Variants in MEGF9 observed in about 807,000 individuals in gnomAD.
MEGF9 encodes multiple epidermal growth factor-like domains protein 9.
Under a neutral mutation model 46.8 loss-of-function variants are expected in MEGF9, and 6 were observed. The observed-to-expected ratio is 0.13, with a 90% CI of 0.07 to 0.25. The LOEUF (loss-of-function observed/expected upper bound fraction) is 0.25. MEGF9 is among the 10% of genes least tolerant of loss of function. MEGF9 has a pLI of 1.00. For synonymous variants in MEGF9, 302 were observed against 330.7 expected (o/e 0.91, Z 0.94); for missense variants, 683 against 792.4 (o/e 0.86, Z 1.66).
chr9:120,638,916 G>A (rs533828364), intron 2 of MEGF9, among the ~76,000 whole-genome samples: 4 of 152,270 alleles, frequency 2.6e-5, no homozygotes, highest in Non-Finnish European at 2.9e-5. Flanking sequence ...TCCTGGGCTC[G>A]AGCAAGCCTT....
chr9:120,643,475 T>C (rs1290718948), intron 2 of MEGF9, among the ~76,000 whole-genome samples: 2 of 152,180 alleles, frequency 1.3e-5, no homozygotes, highest in Non-Finnish European at 2.9e-5. Context: ...ACAAAGTAAG[T>C]TTATTTCCTT....
At chr9:120,622,542 A>G (rs2043504780) in intron 3 of MEGF9, 74 bp downstream of exon 3, 2 of 1,540,256 alleles carry the variant, frequency 1.3e-6, no homozygotes, top group Non-Finnish European at 1.8e-6. Context: ...AGAAGAATCA[A>G]CCTATAGCTG....
rs192105669 is a variant in MEGF9 at position 120,619,204 on chromosome 9, G to A, written c.943+3412C>T. On this transcript the variant is annotated intron_variant, in intron 3 of 5. Coordinates refer to ENST00000373930, the MANE Select transcript of MEGF9 (RefSeq NM_001080497.3). ...CTACTAAAAATACAAAAAATTAGCC[G>A]GGCGTGGTGGTGGGCGCCTGTAATC... Among the ~76,000 whole-genome samples, 1,443 of 151,876 alleles carry A rather than the reference G, an allele frequency of 9.5e-3. 6 individuals carry two copies. The highest frequency in any genetic ancestry group is 0.019 in the Admixed American group (286 of 15,240).
chr9:120,622,487 C>A (rs2043504488), intron 3 of MEGF9, 129 bp downstream of exon 3: 1 of 558,208 alleles, frequency 1.8e-6, no homozygotes, highest in Non-Finnish European at 2.6e-6. Context: ...TTGCTGTGAT[C>A]TAGTACATCC....
chr9:120,692,817 C>T (rs1214725053), intron 1 of MEGF9, among the ~76,000 whole-genome samples: 1 of 152,148 alleles, frequency 6.6e-6, no homozygotes, highest in Non-Finnish European at 1.5e-5. Flanking sequence ...CTGAATAATT[C>T]CTATTTGTTC....
intron 2 of MEGF9, among the ~76,000 whole-genome samples, chr9:120,640,032 T>C (rs2132312769): frequency 6.6e-6 from 1 of 152,350 alleles, no homozygotes; most frequent in Non-Finnish European, 1.5e-5. Context: ...TATTTGTTTA[T>C]CCTGAACCAA....
intron 2 of MEGF9, among the ~76,000 whole-genome samples, chr9:120,652,166 ACACACACACAC>A (rs2043653324): frequency 2.4e-5 from 1 of 41,094 alleles, no homozygotes; most frequent in African/African-American, 8.1e-5. Context: ...ACACACACAC[ACACACACACAC>A]ACACAAAAAA....
intron 1 of MEGF9, among the ~76,000 whole-genome samples, chr9:120,672,395 C>G (rs982606000): frequency 6.6e-6 from 1 of 151,714 alleles, no homozygotes; most frequent in Non-Finnish European, 1.5e-5. Flanking sequence ...GAGTTCAAGA[C>G]CAGCCTAGGC....
intron 1 of MEGF9, among the ~76,000 whole-genome samples, chr9:120,709,345 G>A (rs1275665396): frequency 2.0e-5 from 3 of 152,016 alleles, no homozygotes; most frequent in African/African-American, 7.2e-5. Flanking sequence ...ACCACGAGGC[G>A]GAGGTTGCAG....
chr9:120,714,434 G>A lies in MEGF9; in HGVS notation c.-76C>T, dbSNP rs2043969892. ...CAAGGAAGCCTCCGCAACCGCCGCC[G>A]CCACCGCCACCGGGCGCACCATCGC... On this transcript the variant is annotated 5_prime_UTR_variant, in exon 1 of 6. Transcript: ENST00000373930. 3.5e-6 allele frequency: 4 copies of A among 1,153,794 alleles called. No individual in the cohort carries two copies. The highest frequency in any genetic ancestry group is 3.2e-5 in the South Asian group (1 of 30,770). The allele number at this position is 1,153,794 out of a possible 1,614,324, so 71.5% of individuals were successfully genotyped here.
chr9:120,673,871 G>A (rs1216753546), intron 1 of MEGF9, among the ~76,000 whole-genome samples: 1 of 151,120 alleles, frequency 6.6e-6, no homozygotes, highest in African/African-American at 2.4e-5. Context: ...TGGGGAGGCT[G>A]AGACGGGAGA....
chr9:120,693,734 C>T (rs923583571), intron 1 of MEGF9, among the ~76,000 whole-genome samples: 1 of 152,132 alleles, frequency 6.6e-6, no homozygotes, highest in Non-Finnish European at 1.5e-5. Context: ...CCATTATTTG[C>T]TATTGTCTCT....
chr9:120,618,892 G>A (rs1485563834), intron 3 of MEGF9, among the ~76,000 whole-genome samples: 5 of 149,078 alleles, frequency 3.4e-5, no homozygotes, highest in African/African-American at 5.0e-5. Context: ...AGCAAGACTC[G>A]GTCTCAAAAA....
chr9:120,624,792 G>A (rs1268809151), intron 2 of MEGF9, among the ~76,000 whole-genome samples: 1 of 149,396 alleles, frequency 6.7e-6, no homozygotes, highest in Non-Finnish European at 1.5e-5. Flanking sequence ...AGAACTGCTT[G>A]AACCCAGAAG....
At chr9:120,693,769 G>A (rs1760744912) in intron 1 of MEGF9, among the ~76,000 whole-genome samples, 1 of 152,130 alleles carries the variant, frequency 6.6e-6, no homozygotes, top group Non-Finnish European at 1.5e-5. Flanking sequence ...TGTGTTTCAT[G>A]TTTTACACTG....
chr9:120,712,162 G>A (rs1450441098), intron 1 of MEGF9, among the ~76,000 whole-genome samples: 1 of 152,182 alleles, frequency 6.6e-6, no homozygotes, highest in South Asian at 2.1e-4. Context: ...GGAAGCTGAG[G>A]TGGGAGGATC....
Position 120,688,128 on chromosome 9 carries a change from G to A in MEGF9, c.601+25630C>T, listed in dbSNP as rs546195981. On this transcript the variant is annotated intron_variant, in intron 1 of 5. Coordinates refer to ENST00000373930, the MANE Select transcript of MEGF9 (RefSeq NM_001080497.3). ...TCTCTGAATGCATCATCTCCTCTCCGCAACACACACACACACACACACACA... is the reference window on the plus strand; with the variant it reads ...TCTCTGAATGCATCATCTCCTCTCCACAACACACACACACACACACACACA... 2.1e-3 allele frequency among the ~76,000 whole-genome samples: 232 copies of A among 113,164 alleles called. 1 individual carries two copies. Among genetic ancestry groups the A allele is most frequent in the African/African-American group, 7.0e-3 (216 of 30,968 alleles). The allele number at this position is 113,164 out of a possible 152,430, so 74.2% of individuals were successfully genotyped here. A position where few individuals can be genotyped will look rare whatever the true frequency, so the allele number is the denominator to read the frequency against.
Position 120,605,182 on chromosome 9 carries a change from C to G in MEGF9, c.*8G>C, listed in dbSNP as rs1191343372. On this transcript the variant is annotated 3_prime_UTR_variant, in exon 6 of 6. Coordinates refer to ENST00000373930, the MANE Select transcript of MEGF9 (RefSeq NM_001080497.3). This position sits in a 1 kb window ranked among gnomAD's most constrained non-coding sequence, Gnocchi z 4.0. ...TGTGGTTTAACAATTCAGAACAGTTCTAGCTCCTTAGGCTTTGTAGTTATG... is the reference window on the plus strand; with the variant it reads ...TGTGGTTTAACAATTCAGAACAGTTGTAGCTCCTTAGGCTTTGTAGTTATG... The G allele has an allele frequency of 6.2e-7, 1 of 1,607,012 alleles. No individual in the cohort carries two copies. The highest frequency in any genetic ancestry group is 8.5e-7 in the Non-Finnish European group (1 of 1,176,338).
At chr9:120,652,227 T>C (rs1336001065) in intron 2 of MEGF9, among the ~76,000 whole-genome samples, 2 of 128,808 alleles carry the variant, frequency 1.6e-5, no homozygotes, top group African/African-American at 3.0e-5. Context: ...GGCTCCTGCC[T>C]GCAATCCCAG....
Sources: allele counts gnomAD v4.1 joint callset (sites outside exome capture counted in the v4.1 genomes callset), GRCh38; gene constraint gnomAD v4.1.1; non-coding constraint Gnocchi (gnomAD v3.1); transcripts MANE v1.5; gene names NCBI Gene and HGNC (gene_info 2026-07-23, HGNC 2026-07-21).